The following CHL1 variants were observed in gnomAD, a reference collection of about 807,000 sequenced individuals.
The protein encoded by CHL1 is cell adhesion molecule L1 like.
A neutral mutation model predicts 141.9 loss-of-function variants in CHL1; 96 were observed. The ratio of observed to expected loss-of-function variants is 0.68; its 90% confidence interval spans 0.57 to 0.80. CHL1 has a LOEUF of 0.80. Ranked by LOEUF, CHL1 falls within the 30% of genes least tolerant of loss-of-function variation. The pLI is 0.00. For synonymous variants in CHL1, 613 were observed against 502.2 expected, an observed-to-expected ratio of 1.22 and a Z score of -2.95; for missense variants, 1,820 against 1,457.2, an observed-to-expected ratio of 1.25 and a Z score of -4.05.
intron 27 of CHL1, among the ~76,000 whole-genome samples, chr3:404,684 T>G (rs1709393966): frequency 6.6e-6 from 1 of 152,174 alleles, no homozygotes; most frequent in South Asian, 2.1e-4. Context: ...GTGATTGATT[T>G]TTAAAAAAGA....
At chr3:284,695 T>C (rs563619182) in intron 2 of CHL1, among the ~76,000 whole-genome samples, 2 of 152,266 alleles carry the variant, frequency 1.3e-5, no homozygotes, top group African/African-American at 4.8e-5. Flanking sequence ...GAGATGGTGG[T>C]GACCAGGGAA....
At chr3:208,042 G>C (rs577084259) in intron 1 of CHL1, among the ~76,000 whole-genome samples, 4 of 152,226 alleles carry the variant, frequency 2.6e-5, no homozygotes, top group African/African-American at 9.6e-5. Flanking sequence ...TATAAAAACT[G>C]GTATGAGTGG....
chr3:207,908 G>A (rs145947710), intron 1 of CHL1, among the ~76,000 whole-genome samples: 31 of 152,248 alleles, frequency 2.0e-4, no homozygotes, highest in African/African-American at 5.8e-4. Context: ...ACCAAGCACT[G>A]AGCAATTCAG....
intron 16 of CHL1, among the ~76,000 whole-genome samples, chr3:381,429 A>G (rs1233589882): frequency 6.6e-6 from 1 of 152,244 alleles, no homozygotes; most frequent in Non-Finnish European, 1.5e-5. Flanking sequence ...AGAACTGGTC[A>G]GCTCATGCTT....
chr3:335,754 T>C (rs1701816006), intron 5 of CHL1, among the ~76,000 whole-genome samples: 1 of 152,232 alleles, frequency 6.6e-6, no homozygotes, highest in South Asian at 2.1e-4. Context: ...CTTCTGTCCT[T>C]CTACCTCCTC....
chr3:224,314 G>A (rs550717581), intron 1 of CHL1, among the ~76,000 whole-genome samples: 14 of 152,162 alleles, frequency 9.2e-5, no homozygotes, highest in Non-Finnish European at 1.9e-4. Context: ...TGAGAAGCAA[G>A]ATGGAGTCAG....
chr3:357,186 C>T (rs974478861), intron 11 of CHL1, among the ~76,000 whole-genome samples: 2 of 152,212 alleles, frequency 1.3e-5, no homozygotes, highest in African/African-American at 4.8e-5. Context: ...GCTCGGTGTT[C>T]TGTTCACAGC....
chr3:319,949 G>C, intron 3 of CHL1, 82 bp downstream of exon 3: 1 of 736,140 alleles, frequency 1.4e-6, no homozygotes, highest in Non-Finnish European at 2.3e-6. Context: ...ATGGATTGAG[G>C]ATGTGACTTT....
chr3:389,407 C>A lies in CHL1; in HGVS notation c.2403C>A (p.Val801=), dbSNP rs768413528. The change falls in exon 20 of 28, where the codon GTC becomes GTA. Residue 801 remains valine, a synonymous_variant. Transcript: ENST00000256509. ...TCTATGCCCCTTATGATGTCAAGGT[C>A]CAGGCTATCAATCAACTAGGATCTG... ...PAVYAPYDVK[V]QAINQLGSGP... The A allele has an allele frequency of 6.2e-7, 1 of 1,614,180 alleles. No homozygotes were observed. The highest frequency in any genetic ancestry group is 2.2e-5 in the East Asian group (1 of 44,880).
chr3:314,367 AT>A (rs1472462912), intron 2 of CHL1, among the ~76,000 whole-genome samples: 78 of 127,536 alleles, frequency 6.1e-4, no homozygotes, highest in African/African-American at 2.4e-3. Context: ...ATATATATAT[AT>A]ATCTGCTTCA....
rs1350470628 is a variant in CHL1, at chr3:406,620, A to G, written c.*909A>G. The G allele has an allele frequency of 6.6e-6, 1 of 152,110 alleles. No individual in the cohort carries two copies. The highest frequency in any genetic ancestry group is 1.5e-5 in the Non-Finnish European group (1 of 68,016). The allele number at this position is 152,110 out of a possible 1,614,324, so 9.4% of individuals were successfully genotyped here. On this transcript the variant is annotated 3_prime_UTR_variant, in exon 28 of 28. Transcript: ENST00000256509. ...TGAATACATTGTACATATTATGTTAATATTTACACAATTTAAAATATAGAT... is the reference window on the plus strand; with the variant it reads ...TGAATACATTGTACATATTATGTTAGTATTTACACAATTTAAAATATAGAT...
At chr3:255,352 A>G (rs1694058992) in intron 2 of CHL1, among the ~76,000 whole-genome samples, 1 of 152,220 alleles carries the variant, frequency 6.6e-6, no homozygotes, top group Admixed American at 6.5e-5. Context: ...GTGATCATAA[A>G]AACCTTTCCA....
At chr3:258,700 T>G (rs73092548) in intron 2 of CHL1, among the ~76,000 whole-genome samples, 191 of 152,288 alleles carry the variant, frequency 1.3e-3, no homozygotes, top group African/African-American at 4.3e-3. Flanking sequence ...TGAATCAGTT[T>G]TAAATAGAAG....
chr3:403,792 A>C lies in CHL1; in HGVS notation c.3459-1703A>C, dbSNP rs571768327. Reference sequence around the variant, plus strand: ...CCCAAACTACATATTTATCAGGATAATTGTCTACTTTCCACATTATCCCAG... The same window carrying C: ...CCCAAACTACATATTTATCAGGATACTTGTCTACTTTCCACATTATCCCAG... On this transcript the variant is annotated intron_variant, in intron 27 of 27. Coordinates refer to ENST00000256509, the MANE Select transcript of CHL1 (RefSeq NM_006614.4). Among the ~76,000 whole-genome samples the C allele has an allele frequency of 5.9e-5, 9 of 152,250 alleles. No individual in the cohort carries two copies. The South Asian group carries it at 1.9e-3, about 32-fold the overall frequency.
At chr3:319,953 T>G in intron 3 of CHL1, 86 bp downstream of exon 3, 1 of 722,472 alleles carries the variant, frequency 1.4e-6, no homozygotes, top group Non-Finnish European at 2.3e-6. Flanking sequence ...ATTGAGGATG[T>G]GACTTTTCTA....
At chr3:277,957 G>T (rs892799896) in intron 2 of CHL1, among the ~76,000 whole-genome samples, 1 of 152,182 alleles carries the variant, frequency 6.6e-6, no homozygotes, top group African/African-American at 2.4e-5. Flanking sequence ...ATAAAATGTA[G>T]TTTGCATTTA....
intron 2 of CHL1, among the ~76,000 whole-genome samples, chr3:249,946 A>C (rs771413240): frequency 6.6e-6 from 1 of 152,056 alleles, no homozygotes; most frequent in Non-Finnish European, 1.5e-5. Flanking sequence ...AACTAACAAA[A>C]GACAGATTAA....
At chr3:203,207 T>C in intron 1 of CHL1, among the ~76,000 whole-genome samples, 1 of 152,254 alleles carries the variant, frequency 6.6e-6, no homozygotes, top group Non-Finnish European at 1.5e-5. Flanking sequence ...CCAATGTCCC[T>C]TGGACTTTGA....
chr3:236,393 C>T (rs1030995792), intron 1 of CHL1, among the ~76,000 whole-genome samples: 1 of 152,066 alleles, frequency 6.6e-6, no homozygotes, highest in African/African-American at 2.4e-5. Context: ...CCAGGTCCTT[C>T]TAGGTCAGCC....
Sources: allele counts gnomAD v4.1 joint callset (sites outside exome capture counted in the v4.1 genomes callset), GRCh38; gene constraint gnomAD v4.1.1; transcripts MANE v1.5; gene names NCBI Gene and HGNC (gene_info 2026-07-23, HGNC 2026-07-21).